Variants in JARID2 observed in about 807,000 individuals in gnomAD.
JARID2 encodes the protein jumonji and AT-rich interaction domain containing 2.
In JARID2, 21 loss-of-function variants were observed where a neutral mutation model predicts 125.6. The ratio of observed to expected loss-of-function variants is 0.17; its 90% confidence interval spans 0.12 to 0.24. JARID2 has a LOEUF of 0.24. JARID2 is among the 10% of genes least tolerant of loss of function. The probability of loss-of-function intolerance (pLI) is 1.00; values close to 1 mark genes in which losing one functional copy is unlikely to be tolerated. For missense variants in JARID2, 1,303 were observed against 1,639.6 expected (o/e 0.79, Z 3.55); for synonymous variants, 736 against 661.6 (o/e 1.11, Z -1.73).
rs1457903412 is a variant in JARID2, at chr6:15,521,273, T to C, written c.*1022T>C. ...GCCACTAGGAGGCCTGCAGTTATTTTTGAATGTGAAAATGCATTTGCGTTC... is the reference window on the plus strand; with the variant it reads ...GCCACTAGGAGGCCTGCAGTTATTTCTGAATGTGAAAATGCATTTGCGTTC... On this transcript the variant is annotated 3_prime_UTR_variant, in exon 18 of 18. Coordinates refer to ENST00000341776, the MANE Select transcript of JARID2 (RefSeq NM_004973.4). 1.3e-5 allele frequency: 2 copies of C among 152,268 alleles called. No homozygotes were observed. Among genetic ancestry groups the C allele is most frequent in the Admixed American group, 1.3e-4 (2 of 15,276 alleles). 9.4% of individuals were successfully genotyped at this position (152,268 alleles called of 1,614,324 possible).
intron 1 of JARID2, among the ~76,000 whole-genome samples, chr6:15,278,203 G>A (rs2127368923): frequency 6.6e-6 from 1 of 152,144 alleles, no homozygotes; most frequent in Middle Eastern, 3.4e-3. Context: ...CTGCACTCCA[G>A]TCTGGGCAAC....
At chr6:15,499,290 C>G (rs557184285) in intron 7 of JARID2, among the ~76,000 whole-genome samples, 1 of 152,120 alleles carries the variant, frequency 6.6e-6, no homozygotes, top group Non-Finnish European at 1.5e-5. Flanking sequence ...TCACTTCCAC[C>G]GCAGGTCCCA....
At chr6:15,316,516 A>G (rs1266643816) in intron 1 of JARID2, among the ~76,000 whole-genome samples, 1 of 152,050 alleles carries the variant, frequency 6.6e-6, no homozygotes, top group East Asian at 1.9e-4. Flanking sequence ...GCTGGTTAGA[A>G]GTAAAGAAAT....
At chr6:15,465,660 T>A (rs976155399) in intron 4 of JARID2, among the ~76,000 whole-genome samples, 1 of 151,722 alleles carries the variant, frequency 6.6e-6, no homozygotes, top group African/African-American at 2.4e-5. Flanking sequence ...TTTAAAAAAA[T>A]CCTCAACAGA....
At chr6:15,421,772 C>A (rs1206162678) in intron 3 of JARID2, among the ~76,000 whole-genome samples, 1 of 152,136 alleles carries the variant, frequency 6.6e-6, no homozygotes, top group East Asian at 1.9e-4. Flanking sequence ...TAAGTTGTAG[C>A]AAATGTAGGT....
intron 9 of JARID2, among the ~76,000 whole-genome samples, chr6:15,506,532 G>A (rs1210168636): frequency 1.3e-5 from 2 of 152,166 alleles, no homozygotes; most frequent in African/African-American, 2.4e-5. Context: ...AGGCTTGTGA[G>A]ACGAGGGAAG....
intron 3 of JARID2, among the ~76,000 whole-genome samples, chr6:15,419,291 T>C (rs1354345907): frequency 2.0e-5 from 3 of 152,236 alleles, no homozygotes; most frequent in South Asian, 2.1e-4. Flanking sequence ...TTTAGAGTTA[T>C]CATGGGTGAA....
chr6:15,480,177 CGTTT>C (rs985868778), intron 5 of JARID2, among the ~76,000 whole-genome samples: 8 of 152,010 alleles, frequency 5.3e-5, no homozygotes, highest in Admixed American at 3.9e-4. Context: ...TTGCCCCTTT[CGTTT>C]GTTTTGGGGT....
intron 8 of JARID2, among the ~76,000 whole-genome samples, chr6:15,504,227 CGCT>C (rs143909941): frequency 0.095 from 14,414 of 152,310 alleles, 827 homozygotes; most frequent in Middle Eastern, 0.14. Context: ...GCTGTGCGTC[CGCT>C]CAGGGCCTCT....
At chr6:15,406,026 A>G (rs188733399) in intron 2 of JARID2, among the ~76,000 whole-genome samples, 3 of 152,354 alleles carry the variant, frequency 2.0e-5, no homozygotes, top group Admixed American at 2.0e-4. Context: ...CTGTCTGACT[A>G]TTAATAAATG....
intron 2 of JARID2, among the ~76,000 whole-genome samples, chr6:15,387,303 A>G (rs1764824386): frequency 6.6e-6 from 1 of 152,208 alleles, no homozygotes; most frequent in Admixed American, 6.5e-5. Context: ...AAGTCTGTAT[A>G]TTAGTCAGCT....
intron 1 of JARID2, among the ~76,000 whole-genome samples, chr6:15,310,980 C>T (rs556318155): frequency 1.3e-4 from 20 of 152,086 alleles, no homozygotes; most frequent in South Asian, 2.1e-4. Context: ...GAATGGGAAC[C>T]GTCATAGAGT....
chr6:15,394,333 C>T (rs766647606), intron 2 of JARID2, among the ~76,000 whole-genome samples: 2 of 152,242 alleles, frequency 1.3e-5, no homozygotes, highest in African/African-American at 2.4e-5. Flanking sequence ...ATGAGCAAGG[C>T]GAATGCAGTG....
At chr6:15,507,292 T>G in intron 10 of JARID2, 38 bp downstream of exon 10, 5 of 1,598,496 alleles carry the variant, frequency 3.1e-6, no homozygotes, top group Non-Finnish European at 4.3e-6. Context: ...CTTGGGGATG[T>G]GACTGCATCC....
chr6:15,398,519 G>T (rs964389644), intron 2 of JARID2, among the ~76,000 whole-genome samples: 1 of 152,144 alleles, frequency 6.6e-6, no homozygotes, highest in Admixed American at 6.5e-5. Context: ...TTTAGTAGGG[G>T]ACCAACATTT....
At chr6:15,432,323 T>TAGGCTG (rs1421670841) in intron 3 of JARID2, among the ~76,000 whole-genome samples, 18 of 152,164 alleles carry the variant, frequency 1.2e-4, no homozygotes, top group African/African-American at 3.9e-4. Context: ...AGCTACTCGG[T>TAGGCTG]AGGCTGAGGC....
At chr6:15,428,071 G>A (rs1405895168) in intron 3 of JARID2, among the ~76,000 whole-genome samples, 1 of 152,004 alleles carries the variant, frequency 6.6e-6, no homozygotes, top group Non-Finnish European at 1.5e-5. Context: ...GGAGTCTGGC[G>A]GGTGATGAAA....
intron 1 of JARID2, among the ~76,000 whole-genome samples, chr6:15,300,824 C>T (rs1761598159): frequency 6.6e-6 from 1 of 151,606 alleles, no homozygotes; most frequent in South Asian, 2.1e-4. Flanking sequence ...TTACAGGATG[C>T]AGTAACCATG....
intron 3 of JARID2, among the ~76,000 whole-genome samples, chr6:15,439,217 T>G (rs559393898): frequency 6.6e-6 from 1 of 152,276 alleles, no homozygotes; most frequent in African/African-American, 2.4e-5. Flanking sequence ...TTTTGGACAT[T>G]GCTCATTTAA....
Sources: allele counts gnomAD v4.1 joint callset (sites outside exome capture counted in the v4.1 genomes callset), GRCh38; gene constraint gnomAD v4.1.1; transcripts MANE v1.5; gene names NCBI Gene and HGNC (gene_info 2026-07-23, HGNC 2026-07-21).